C8orf34: variants seen among roughly 807,000 people sequenced by gnomAD.
C8orf34 encodes the protein chromosome 8 open reading frame 34, also known as uncharacterized protein C8orf34.
In C8orf34, 65 loss-of-function variants were observed where a neutral mutation model predicts 68.3. The ratio of observed to expected loss-of-function variants is 0.95; its 90% confidence interval spans 0.78 to 1.17. C8orf34 has a LOEUF of 1.17. Ranked by LOEUF, C8orf34 falls within the 50% of genes most tolerant of loss-of-function variation. The probability of loss-of-function intolerance (pLI) is 0.00; values close to 1 mark genes in which losing one functional copy is unlikely to be tolerated. For missense variants in C8orf34, 664 were observed against 655.4 expected (o/e 1.01, Z -0.14); for synonymous variants, 244 against 241.2 (o/e 1.01, Z -0.11).
intron 5 of C8orf34, among the ~76,000 whole-genome samples, chr8:68,497,985 T>C (rs969753786): frequency 7.9e-5 from 12 of 152,034 alleles, no homozygotes; most frequent in Non-Finnish European, 1.6e-4. Flanking sequence ...TGCACCACCA[T>C]GCCCAGCTAA....
chr8:68,446,505 T>A (rs1263992311), intron 3 of C8orf34, 45 bp downstream of exon 3: 1 of 1,562,924 alleles, frequency 6.4e-7, no homozygotes. Flanking sequence ...CATGTAAGTT[T>A]ATGTTGTTAA....
At chr8:68,383,054 T>C (rs1028891438) in intron 1 of C8orf34, among the ~76,000 whole-genome samples, 2 of 152,092 alleles carry the variant, frequency 1.3e-5, no homozygotes, top group Non-Finnish European at 2.9e-5. Flanking sequence ...TAGGAGGTTA[T>C]ATATTGTAGC....
intron 11 of C8orf34, among the ~76,000 whole-genome samples, chr8:68,782,496 T>C (rs16935051): frequency 0.055 from 8,119 of 148,574 alleles, 743 homozygotes; most frequent in African/African-American, 0.19. Flanking sequence ...CATTCTACTC[T>C]CTAAAGGAAT....
chr8:68,603,013 C>T (rs762543584), intron 7 of C8orf34, among the ~76,000 whole-genome samples: 1 of 152,104 alleles, frequency 6.6e-6, no homozygotes, highest in Non-Finnish European at 1.5e-5. Flanking sequence ...GCATGTATAG[C>T]AGGCAATAAG....
intron 7 of C8orf34, among the ~76,000 whole-genome samples, chr8:68,611,831 T>TA (rs1364923586): frequency 3.3e-5 from 5 of 152,160 alleles, no homozygotes; most frequent in African/African-American, 1.2e-4. Flanking sequence ...TCCATGTACT[T>TA]ACAAACAACA....
intron 7 of C8orf34, among the ~76,000 whole-genome samples, chr8:68,597,285 G>T (rs754683951): frequency 6.6e-6 from 1 of 151,980 alleles, no homozygotes; most frequent in Non-Finnish European, 1.5e-5. Flanking sequence ...GGTCACATGC[G>T]CATTCTCATG....
intron 4 of C8orf34, among the ~76,000 whole-genome samples, chr8:68,479,857 T>G (rs1812783778): frequency 6.6e-6 from 1 of 152,198 alleles, no homozygotes; most frequent in African/African-American, 2.4e-5. Context: ...GGTATGTGCT[T>G]CTAGAGCAGG....
At chr8:68,562,211 A>C (rs1457741980) in intron 7 of C8orf34, among the ~76,000 whole-genome samples, 20 of 152,192 alleles carry the variant, frequency 1.3e-4, no homozygotes, top group Admixed American at 1.2e-3. Flanking sequence ...TGATGTCACT[A>C]GGCAATAGGA....
chr8:68,595,120 T>TA (rs369079634), intron 7 of C8orf34, among the ~76,000 whole-genome samples: 53,563 of 132,614 alleles, frequency 0.4, 10,958 homozygotes, highest in Non-Finnish European at 0.47. Context: ...TTAAAAATGG[T>TA]AAAAAAAAAA....
rs142236876 is a variant in C8orf34 at position 68,670,422 on chromosome 8, CTA to C, written c.1241+29912_1241+29913del. Reference sequence around the variant, plus strand: ...TTTAACAACCAGAGAAGATAAAAAACTAAAAATCTGCCACCATACACAGATAA... The same window carrying C: ...TTTAACAACCAGAGAAGATAAAAAACAAAATCTGCCACCATACACAGATAA... On this transcript the variant is annotated intron_variant, in intron 8 of 13. Transcript: ENST00000518698. 5.4e-3 allele frequency among the ~76,000 whole-genome samples: 817 copies of C among 152,240 alleles called. 10 individuals carry two copies. Among genetic ancestry groups the C allele is most frequent in the African/African-American group, 0.019 (784 of 41,554 alleles).
At chr8:68,610,822 T>C (rs1215868930) in intron 7 of C8orf34, among the ~76,000 whole-genome samples, 1 of 151,644 alleles carries the variant, frequency 6.6e-6, no homozygotes, top group Non-Finnish European at 1.5e-5. Flanking sequence ...AGAAAAAAAA[T>C]TGGATTAATT....
Position 68,521,962 on chromosome 8 carries a change from C to T in C8orf34, c.929C>T (p.Pro310Leu), listed in dbSNP as rs866537511. ...QWESEDSGSS[P>L]AGSLKMEPKN... ...GAAAGTGAAGATAGTGGCTCTAGTCCTGCAGGAAGGTGAGATGAGCTGTCT... is the reference window on the plus strand; with the variant it reads ...GAAAGTGAAGATAGTGGCTCTAGTCTTGCAGGAAGGTGAGATGAGCTGTCT... Residue 310 changes from proline (P) to leucine (L), a missense_variant, in exon 6 of 14, where the codon CCT (proline) becomes CTT (leucine). Physicochemically the swap from Pro to Leu is moderately conservative, Grantham distance 98. Transcript: ENST00000518698. 2 of 1,613,820 alleles carry T rather than the reference C, an allele frequency of 1.2e-6. No homozygotes were observed. The highest frequency in any genetic ancestry group is 1.7e-6 in the Non-Finnish European group (2 of 1,179,868).
At chr8:68,566,919 T>C (rs956314535) in intron 7 of C8orf34, among the ~76,000 whole-genome samples, 11 of 152,234 alleles carry the variant, frequency 7.2e-5, no homozygotes, top group South Asian at 6.2e-4. Context: ...TCTGTTTATG[T>C]GGTGTATCAC....
chr8:68,461,367 G>A (rs1811815445), intron 3 of C8orf34, among the ~76,000 whole-genome samples: 2 of 152,226 alleles, frequency 1.3e-5, no homozygotes, highest in Admixed American at 1.3e-4. Context: ...AAAACACTCT[G>A]CAGGATATTA....
chr8:68,574,149 A>G (rs918782367), intron 7 of C8orf34, among the ~76,000 whole-genome samples: 33 of 152,010 alleles, frequency 2.2e-4, no homozygotes, highest in African/African-American at 7.2e-4. Context: ...TTTGATTTTG[A>G]CTCAATTTTT....
chr8:68,714,063 A>G (rs1821400957), intron 9 of C8orf34, among the ~76,000 whole-genome samples: 1 of 152,194 alleles, frequency 6.6e-6, no homozygotes. Context: ...CAGTAAAGGC[A>G]GAAAAAGCAT....
intron 3 of C8orf34, among the ~76,000 whole-genome samples, chr8:68,454,430 G>A (rs1197030740): frequency 6.6e-6 from 1 of 151,950 alleles, no homozygotes; most frequent in African/African-American, 2.4e-5. Context: ...TTATTACCGA[G>A]TCAAAATCTT....
At chr8:68,805,860 A>G (rs906354303) in intron 12 of C8orf34, among the ~76,000 whole-genome samples, 1 of 152,048 alleles carries the variant, frequency 6.6e-6, no homozygotes, top group Non-Finnish European at 1.5e-5. Flanking sequence ...TTACTATATT[A>G]CCAACTTACT....
At chr8:68,486,377 G>A (rs949759750) in intron 4 of C8orf34, among the ~76,000 whole-genome samples, 21 of 152,092 alleles carry the variant, frequency 1.4e-4, no homozygotes, top group African/African-American at 4.6e-4. Flanking sequence ...TCATAATACA[G>A]CAAGTCCTTG....
Sources: gnomAD v4.1 joint callset for allele counts (sites outside exome capture counted in the v4.1 genomes callset) on GRCh38, gnomAD v4.1.1 for gene constraint, MANE v1.5 for transcripts, NCBI Gene and HGNC (gene_info 2026-07-23, HGNC 2026-07-21) for gene names.